The following DGKB variants were observed in gnomAD, a reference collection of about 807,000 sequenced individuals.
DGKB encodes the protein 90 kDa diacylglycerol kinase.
A neutral mutation model predicts 114.3 loss-of-function variants in DGKB; 67 were observed. That is an observed-to-expected ratio of 0.59 (90% CI 0.48 to 0.72). The LOEUF is 0.72. Ranked by LOEUF, DGKB falls within the 30% of genes least tolerant of loss-of-function variation. DGKB has a pLI of 0.00. For synonymous variants in DGKB, 398 were observed against 323.1 expected, an observed-to-expected ratio of 1.23 and a Z score of -2.49; for missense variants, 907 against 975.2, an observed-to-expected ratio of 0.93 and a Z score of 0.93.
chr7:14,166,258 G>T (rs900469822), intron 25 of DGKB, among the ~76,000 whole-genome samples: 1 of 152,024 alleles, frequency 6.6e-6, no homozygotes, highest in Non-Finnish European at 1.5e-5. Flanking sequence ...AAACTTTTTT[G>T]GTCAATTATT....
At chr7:14,377,071 G>A (rs1292167586) in intron 21 of DGKB, among the ~76,000 whole-genome samples, 1 of 152,142 alleles carries the variant, frequency 6.6e-6, no homozygotes, top group African/African-American at 2.4e-5. Flanking sequence ...ACAGCATCTG[G>A]GTTATAGGAT....
chr7:14,366,857 A>C (rs1394948203), intron 21 of DGKB, among the ~76,000 whole-genome samples: 1 of 152,130 alleles, frequency 6.6e-6, no homozygotes, highest in Non-Finnish European at 1.5e-5. Context: ...TATATACTTT[A>C]TTGTGTCAAA....
intron 2 of DGKB, among the ~76,000 whole-genome samples, chr7:14,834,716 CA>C (rs1360865483): frequency 2.0e-5 from 3 of 152,140 alleles, no homozygotes; most frequent in African/African-American, 7.2e-5. Context: ...AGACTTCGTA[CA>C]TTTTTCAGAC....
intron 21 of DGKB, among the ~76,000 whole-genome samples, chr7:14,360,108 A>T (rs1199736470): frequency 6.6e-6 from 1 of 152,148 alleles, no homozygotes; most frequent in Non-Finnish European, 1.5e-5. Context: ...TGTGGCACAT[A>T]TACACCATGG....
At chr7:14,417,996 G>T (rs2128755827) in intron 21 of DGKB, among the ~76,000 whole-genome samples, 1 of 151,220 alleles carries the variant, frequency 6.6e-6, no homozygotes, top group East Asian at 1.9e-4. Context: ...GTTTGCTGAT[G>T]CCTGGTCATC....
intron 23 of DGKB, among the ~76,000 whole-genome samples, chr7:14,218,471 A>G (rs1364923463): frequency 6.6e-6 from 1 of 152,114 alleles, no homozygotes; most frequent in Non-Finnish European, 1.5e-5. Context: ...GCTTAACCTC[A>G]TAGGTGAATT....
At chr7:14,203,931 A>G (rs915592162) in intron 23 of DGKB, among the ~76,000 whole-genome samples, 6 of 151,948 alleles carry the variant, frequency 3.9e-5, no homozygotes, top group African/African-American at 1.2e-4. Flanking sequence ...TTCTGGTCTG[A>G]TAACATGGAT....
chr7:14,340,755 C>T (rs779373031), intron 22 of DGKB, among the ~76,000 whole-genome samples: 8 of 151,766 alleles, frequency 5.3e-5, no homozygotes, highest in Non-Finnish European at 1.2e-4. Flanking sequence ...TTATAAAGGT[C>T]TGGCTTCCCC....
intron 23 of DGKB, among the ~76,000 whole-genome samples, chr7:14,281,161 G>T (rs902682071): frequency 6.6e-6 from 1 of 150,850 alleles, no homozygotes; most frequent in Non-Finnish European, 1.5e-5. Context: ...AAAGGATGGA[G>T]GAAGATCTAC....
At position 14,872,127 on chromosome 7, in the gene DGKB, G is replaced by C. The variant is rs148754052; in HGVS notation, c.-188+30465C>G. Among the ~76,000 whole-genome samples the C allele has an allele frequency of 2.2e-3, 334 of 152,246 alleles. 1 individual carries two copies. Among genetic ancestry groups the C allele is most frequent in the African/African-American group, 7.8e-3 (323 of 41,544 alleles). ...AAAGATGAAGGATCAAGCATCATAA[G>C]TCATCTCTAGGGTTTAATAAGAACC... On this transcript the variant is annotated intron_variant, in intron 1 of 25. Coordinates refer to ENST00000402815, the MANE Select transcript of DGKB (RefSeq NM_001350709.2).
intron 21 of DGKB, among the ~76,000 whole-genome samples, chr7:14,412,063 A>G (rs554033027): frequency 6.6e-6 from 1 of 152,308 alleles, no homozygotes; most frequent in African/African-American, 2.4e-5. Context: ...AAGGGCAGGT[A>G]TTTCTGTGTA....
chr7:14,476,726 A>G (rs1782225613), intron 21 of DGKB, among the ~76,000 whole-genome samples: 1 of 151,416 alleles, frequency 6.6e-6, no homozygotes, highest in Non-Finnish European at 1.5e-5. Context: ...CAACATAGGT[A>G]TTAGATTATG....
chr7:14,686,552 C>T (rs909381976), intron 9 of DGKB, among the ~76,000 whole-genome samples: 3 of 152,144 alleles, frequency 2.0e-5, no homozygotes, highest in Non-Finnish European at 4.4e-5. Flanking sequence ...TGGGCATTAA[C>T]GTTACTCCTG....
At chr7:14,836,965 A>G (rs1034903973) in intron 2 of DGKB, among the ~76,000 whole-genome samples, 14 of 152,208 alleles carry the variant, frequency 9.2e-5, no homozygotes, top group African/African-American at 3.4e-4. Context: ...CAGCCAGAAG[A>G]ACACACTCCC....
chr7:14,343,596 C>T (rs964119594), intron 22 of DGKB, among the ~76,000 whole-genome samples: 1 of 151,248 alleles, frequency 6.6e-6, no homozygotes, highest in African/African-American at 2.4e-5. Flanking sequence ...AATCTGTGCT[C>T]AAGGGTAGGA....
Position 14,451,261 on chromosome 7 carries a change from G to A in DGKB, c.1835+26900C>T, listed in dbSNP as rs182451908. ...AAGCAGATTGCCCTTCACAATATGG[G>A]TAGGACTCATCTAATGTGTTGAATG... On this transcript the variant is annotated intron_variant, in intron 21 of 25. Transcript: ENST00000402815. Among the ~76,000 whole-genome samples, 7 of 152,150 alleles carry A rather than the reference G, an allele frequency of 4.6e-5. No individual in the cohort carries two copies. The East Asian group carries it at 1.2e-3, about 25-fold the overall frequency.
intron 1 of DGKB, among the ~76,000 whole-genome samples, chr7:14,922,375 CGT>C (rs150420213): frequency 0.19 from 21,880 of 117,920 alleles, 1,848 homozygotes; most frequent in Middle Eastern, 0.24. Flanking sequence ...GTGTATCCAT[CGT>C]GTGTGTGTGT....
intron 20 of DGKB, among the ~76,000 whole-genome samples, chr7:14,497,037 C>T (rs79869382): frequency 0.011 from 1,659 of 151,806 alleles, 35 homozygotes; most frequent in East Asian, 0.089. Flanking sequence ...TCTTTTGCAG[C>T]AACTTGGATG....
chr7:14,325,855 T>A (rs1461520951), intron 23 of DGKB, among the ~76,000 whole-genome samples: 3 of 152,186 alleles, frequency 2.0e-5, no homozygotes, highest in Non-Finnish European at 4.4e-5. Flanking sequence ...GGGCTATATG[T>A]TTGGATGTGC....
Sources: allele counts gnomAD v4.1 joint callset (sites outside exome capture counted in the v4.1 genomes callset), GRCh38; gene constraint gnomAD v4.1.1; transcripts MANE v1.5; gene names NCBI Gene and HGNC (gene_info 2026-07-23, HGNC 2026-07-21).